Variants in PAX7 observed in about 807,000 individuals in gnomAD.
PAX7 encodes paired box 7, also known as paired box protein Pax-7.
In PAX7, 18 loss-of-function variants were observed where a neutral mutation model predicts 50.7. The ratio of observed to expected loss-of-function variants is 0.36; its 90% confidence interval spans 0.25 to 0.53. The LOEUF is 0.53. PAX7 is among the 20% of genes least tolerant of loss of function. The pLI is 0.93. For synonymous variants in PAX7, 310 were observed against 290.4 expected (o/e 1.07, Z -0.69); for missense variants, 644 against 702.9 (o/e 0.92, Z 0.95).
rs532710390 is a variant in PAX7 at position 18,642,599 on chromosome 1, C to T, written c.586+6228C>T. Among the ~76,000 whole-genome samples the T allele has an allele frequency of 1.1e-4, 16 of 152,256 alleles. No homozygotes were observed. The South Asian group carries it at 2.5e-3, about 24-fold the overall frequency. ...AGAGGCGCTGGGAAGATTAGGATGCCCCCCTCAGTTTTTGCTGTCCGGGGC... is the reference window on the plus strand; with the variant it reads ...AGAGGCGCTGGGAAGATTAGGATGCTCCCCTCAGTTTTTGCTGTCCGGGGC... On this transcript the variant is annotated intron_variant, in intron 4 of 8. Transcript: ENST00000420770.
chr1:18,646,882 G>A (rs1012524224), intron 4 of PAX7, among the ~76,000 whole-genome samples: 10 of 149,246 alleles, frequency 6.7e-5, no homozygotes, highest in African/African-American at 2.5e-4. Context: ...GGCGGCGCGG[G>A]GCGGCGCGGC....
At chr1:18,642,722 C>T (rs959717201) in intron 4 of PAX7, among the ~76,000 whole-genome samples, 2 of 140,998 alleles carry the variant, frequency 1.4e-5, no homozygotes, top group Admixed American at 7.0e-5. Flanking sequence ...CGATTGGCCC[C>T]GGCTGGGGTG....
At chr1:18,730,783 GC>G (rs1409178006) in intron 7 of PAX7, among the ~76,000 whole-genome samples, 1 of 152,022 alleles carries the variant, frequency 6.6e-6, no homozygotes, top group Admixed American at 6.5e-5. Context: ...TGGAAGGGGG[GC>G]CCCCACCCCC....
chr1:18,662,552 T>TTTTG (rs568607602), intron 4 of PAX7, among the ~76,000 whole-genome samples: 5 of 151,200 alleles, frequency 3.3e-5, no homozygotes, highest in South Asian at 2.1e-4. Flanking sequence ...AGTTCTAGTT[T>TTTTG]TTTGTTTGTT....
At chr1:18,709,979 T>G (rs1307585399) in intron 7 of PAX7, among the ~76,000 whole-genome samples, 6 of 152,222 alleles carry the variant, frequency 3.9e-5, no homozygotes, top group African/African-American at 9.6e-5. Context: ...TTTATTTATT[T>G]GTGAATGGGG....
rs1557552888 is a variant in PAX7 at position 18,724,740 on chromosome 1, A to G, written c.1156-10892A>G. The stretch of plus-strand genomic sequence containing the variant: ...TGGGGCAAATTATTTAGCTTTCTAG[A>G]GCCTCCGTTTCCTGATCTTGAAAAT... On this transcript the variant is annotated intron_variant, in intron 7 of 8. Coordinates refer to ENST00000420770, the MANE Select transcript of PAX7 (RefSeq NM_001135254.2). 4.6e-5 allele frequency among the ~76,000 whole-genome samples: 7 copies of G among 152,330 alleles called. No homozygotes were observed. In the South Asian group the frequency reaches 1.2e-3, roughly 27 times the overall value.
At chr1:18,718,633 C>T (rs1444694388) in intron 7 of PAX7, among the ~76,000 whole-genome samples, 2 of 149,376 alleles carry the variant, frequency 1.3e-5, no homozygotes, top group East Asian at 2.0e-4. Flanking sequence ...ATGGTATCCA[C>T]GCCTTGACCC....
intron 7 of PAX7, among the ~76,000 whole-genome samples, chr1:18,730,730 C>T (rs1375155030): frequency 6.6e-6 from 1 of 152,002 alleles, no homozygotes; most frequent in East Asian, 1.9e-4. Flanking sequence ...AGTAGGGGAG[C>T]GCGCCGGCAT....
At chr1:18,671,985 A>G (rs571241990) in intron 4 of PAX7, among the ~76,000 whole-genome samples, 1 of 152,200 alleles carries the variant, frequency 6.6e-6, no homozygotes, top group South Asian at 2.1e-4. Flanking sequence ...TCTTAAAAAA[A>G]AAAAAGTAAA....
chr1:18,640,713 C>A (rs2088237869), intron 4 of PAX7, among the ~76,000 whole-genome samples: 1 of 152,086 alleles, frequency 6.6e-6, no homozygotes, highest in African/African-American at 2.4e-5. Context: ...ATCAGCTTCG[C>A]ATAATGGGGG....
intron 7 of PAX7, among the ~76,000 whole-genome samples, chr1:18,719,570 G>A (rs2089469026): frequency 6.6e-6 from 1 of 152,248 alleles, no homozygotes; most frequent in African/African-American, 2.4e-5. Context: ...GCCCTGGCAA[G>A]TGTCTTATCA....
At chr1:18,698,260 C>A (rs1017348502) in intron 5 of PAX7, among the ~76,000 whole-genome samples, 12 of 138,068 alleles carry the variant, frequency 8.7e-5, no homozygotes, top group Non-Finnish European at 1.9e-4. Flanking sequence ...AAAGGGAAGG[C>A]AATTGTTAAA....
At chr1:18,724,835 A>G (rs899077317) in intron 7 of PAX7, among the ~76,000 whole-genome samples, 1 of 152,178 alleles carries the variant, frequency 6.6e-6, no homozygotes, top group African/African-American at 2.4e-5. Context: ...CCCTCCCTTG[A>G]TCCTATCAGA....
At chr1:18,648,981 C>T (rs1427571708) in intron 4 of PAX7, among the ~76,000 whole-genome samples, 3 of 152,180 alleles carry the variant, frequency 2.0e-5, no homozygotes, top group Non-Finnish European at 4.4e-5. Context: ...TTCCCAGACT[C>T]CCGCCACTGA....
At chr1:18,644,676 G>A (rs1570114432) in intron 4 of PAX7, among the ~76,000 whole-genome samples, 1 of 152,192 alleles carries the variant, frequency 6.6e-6, no homozygotes, top group East Asian at 1.9e-4. Flanking sequence ...ACATGGGGCG[G>A]AGGGGCACTG....
In PAX7 at chr1:18,677,824, C is replaced by T. The variant is rs563073991; in HGVS notation, c.587-13930C>T. Among the ~76,000 whole-genome samples the T allele has an allele frequency of 9.9e-5, 15 of 152,216 alleles. No homozygotes were observed. In the East Asian group the frequency reaches 2.9e-3, roughly 29 times the overall value. On this transcript the variant is annotated intron_variant, in intron 4 of 8. Transcript: ENST00000420770. ...TCTAGCCAGGCGCAGTGGCTCACGG[C>T]TGTAATCTCAGCACTTTGGGAGGCT...
chr1:18,714,266 C>T (rs2089390770), intron 7 of PAX7, among the ~76,000 whole-genome samples: 1 of 151,796 alleles, frequency 6.6e-6, no homozygotes, highest in Non-Finnish European at 1.5e-5. Flanking sequence ...AGCTCCTCTA[C>T]TTATTTGCTG....
At chr1:18,635,704 C>A (rs116988154) in intron 3 of PAX7, among the ~76,000 whole-genome samples, 2 of 152,066 alleles carry the variant, frequency 1.3e-5, no homozygotes, top group African/African-American at 4.8e-5. Flanking sequence ...CCTAGACCAC[C>A]GTCTCAGAGT....
chr1:18,654,362 CAATA>C (rs2088480430), intron 4 of PAX7, among the ~76,000 whole-genome samples: 1 of 152,204 alleles, frequency 6.6e-6, no homozygotes, highest in Admixed American at 6.5e-5. Context: ...GGGAAATATG[CAATA>C]AATAATCACA....
Sources: allele counts gnomAD v4.1 joint callset (sites outside exome capture counted in the v4.1 genomes callset), GRCh38; gene constraint gnomAD v4.1.1; transcripts MANE v1.5; gene names NCBI Gene and HGNC (gene_info 2026-07-23, HGNC 2026-07-21).